Variants in SLCO5A1 observed in about 807,000 individuals in gnomAD.
SLCO5A1 encodes the protein organic anion transporter polypeptide-related protein 4.
A neutral mutation model predicts 65.1 loss-of-function variants in SLCO5A1; 39 were observed. The ratio of observed to expected loss-of-function variants is 0.60; its 90% confidence interval spans 0.46 to 0.78. The LOEUF is 0.78. SLCO5A1 is among the 30% of genes least tolerant of loss of function. SLCO5A1 has a pLI of 0.00. For missense variants in SLCO5A1, 1,029 were observed against 1,069.4 expected (o/e 0.96, Z 0.53); for synonymous variants, 438 against 415.7 (o/e 1.05, Z -0.65).
intron 4 of SLCO5A1, among the ~76,000 whole-genome samples, chr8:69,748,890 G>A (rs1381696943): frequency 6.6e-6 from 1 of 152,176 alleles, no homozygotes; most frequent in African/African-American, 2.4e-5. Context: ...TGATGCTGTT[G>A]TAGGCTGGGT....
intron 2 of SLCO5A1, among the ~76,000 whole-genome samples, chr8:69,771,427 T>G (rs1179585761): frequency 6.6e-6 from 1 of 152,256 alleles, no homozygotes; most frequent in Non-Finnish European, 1.5e-5. Flanking sequence ...ACTTTTTTAG[T>G]GCTGTTTGTA....
chr8:69,723,580 T>C (rs897310894), intron 5 of SLCO5A1, among the ~76,000 whole-genome samples: 2 of 152,028 alleles, frequency 1.3e-5, no homozygotes, highest in Non-Finnish European at 2.9e-5. Flanking sequence ...AAATCAAAAT[T>C]CACTTATCCT....
At chr8:69,692,641 G>C (rs1814319149) in intron 6 of SLCO5A1, among the ~76,000 whole-genome samples, 1 of 150,410 alleles carries the variant, frequency 6.6e-6, no homozygotes, top group African/African-American at 2.5e-5. Flanking sequence ...TTCTTTTTTT[G>C]CCGTTTTAAA....
rs942433729 is a variant in SLCO5A1, at chr8:69,672,511, C to T, written c.*358G>A. ...TTGGAAATGCCAAGTCCTGGGCAAG[C>T]TCACCTTTGTTTGGAGTGTTAGTTA... On this transcript the variant is annotated 3_prime_UTR_variant, in exon 10 of 10. Transcript: ENST00000260126. The T allele has an allele frequency of 1.4e-5, 3 of 217,020 alleles. No homozygotes were observed. The highest frequency in any genetic ancestry group is 2.3e-5 in the African/African-American group (1 of 43,982). The allele number at this position is 217,020 out of a possible 1,614,324, so 13.4% of individuals were successfully genotyped here.
At chr8:69,692,018 G>A (rs1814282404) in intron 6 of SLCO5A1, among the ~76,000 whole-genome samples, 1 of 152,196 alleles carries the variant, frequency 6.6e-6, no homozygotes, top group Admixed American at 6.5e-5. Flanking sequence ...GGAGGCCGAG[G>A]TGGGCAGATC....
chr8:69,680,418 G>A (rs1470528709), intron 7 of SLCO5A1, among the ~76,000 whole-genome samples: 1 of 152,154 alleles, frequency 6.6e-6, no homozygotes, highest in African/African-American at 2.4e-5. Context: ...AATTCACTTA[G>A]GATAATGGCC....
chr8:69,676,535 T>A, intron 9 of SLCO5A1, 74 bp downstream of exon 9: 2 of 1,321,390 alleles, frequency 1.5e-6, no homozygotes, highest in African/African-American at 1.5e-5. Flanking sequence ...TGACTTGCCA[T>A]TTTTAAAGGA....
chr8:69,724,583 G>A (rs16936372), intron 5 of SLCO5A1, among the ~76,000 whole-genome samples: 4,619 of 152,254 alleles, frequency 0.03, 244 homozygotes, highest in African/African-American at 0.1. Context: ...GAGCCTGGCA[G>A]CAAAGCTAAT....
chr8:69,804,383 G>A (rs1007685148), intron 2 of SLCO5A1, among the ~76,000 whole-genome samples: 10 of 151,862 alleles, frequency 6.6e-5, no homozygotes, highest in East Asian at 1.9e-4. Flanking sequence ...GCACAATCTC[G>A]GCTCACTGCA....
At chr8:69,716,613 G>C (rs1358161451) in intron 5 of SLCO5A1, among the ~76,000 whole-genome samples, 1 of 152,110 alleles carries the variant, frequency 6.6e-6, no homozygotes, top group African/African-American at 2.4e-5. Context: ...TTGGACATTG[G>C]TACATCTTTT....
intron 2 of SLCO5A1, among the ~76,000 whole-genome samples, chr8:69,825,385 A>G (rs540666967): frequency 9.0e-4 from 137 of 152,258 alleles, no homozygotes; most frequent in Middle Eastern, 3.4e-3. Context: ...AAACCCCATC[A>G]TCTCAGCCCA....
Position 69,831,886 on chromosome 8 carries a change from T to C in SLCO5A1, c.788A>G (p.Tyr263Cys), listed in dbSNP as rs1362874090. Residue 263 changes from tyrosine (Y) to cysteine (C), a missense_variant, in exon 2 of 10, where the codon TAC becomes TGC. Transcript: ENST00000260126. Reference sequence around the variant, plus strand: ...CTGCGCGCAAATGAATAAAGCCACGTAGACCCAGTGATTATTTCCTCCCGA... The same window carrying C: ...CTGCGCGCAAATGAATAAAGCCACGCAGACCCAGTGATTATTTCCTCCCGA... ...KDSGGNNHWV[Y>C]VALFICAQIL... is the part of the protein sequence containing the mutation. The C allele has an allele frequency of 8.1e-6, 13 of 1,611,872 alleles. No homozygotes were observed. Among genetic ancestry groups the C allele is most frequent in the South Asian group, 7.7e-5 (7 of 90,550 alleles).
chr8:69,801,521 G>A (rs922509088), intron 2 of SLCO5A1, among the ~76,000 whole-genome samples: 1 of 152,128 alleles, frequency 6.6e-6, no homozygotes, highest in Non-Finnish European at 1.5e-5. Context: ...TTACAGCAAA[G>A]TACATTACTA....
intron 5 of SLCO5A1, among the ~76,000 whole-genome samples, chr8:69,715,286 C>T (rs1815461292): frequency 6.6e-6 from 1 of 152,090 alleles, no homozygotes; most frequent in South Asian, 2.1e-4. Context: ...ATAAGAGCAC[C>T]TTATTAACTT....
intron 2 of SLCO5A1, among the ~76,000 whole-genome samples, chr8:69,801,389 T>G (rs749468356): frequency 1.3e-5 from 2 of 152,244 alleles, no homozygotes; most frequent in Non-Finnish European, 2.9e-5. Flanking sequence ...TCCTAATTAT[T>G]TCCTCAACAA....
In SLCO5A1 at chr8:69,672,756, G is replaced by A; in HGVS notation, c.*113C>T. ...TGTATACTGAGTTTTGTTGGTTTGA[G>A]GATTGTGTCTGTAGAGGTTAAAAAA... On this transcript the variant is annotated 3_prime_UTR_variant, in exon 10 of 10. Transcript: ENST00000260126. 8.5e-7 allele frequency: 1 copy of A among 1,179,012 alleles called. No individual in the cohort carries two copies. Among genetic ancestry groups the A allele is most frequent in the Non-Finnish European group, 1.2e-6 (1 of 862,710 alleles). 73.0% of individuals were successfully genotyped at this position (1,179,012 alleles called of 1,614,324 possible).
chr8:69,740,611 G>A (rs898015983), intron 4 of SLCO5A1, among the ~76,000 whole-genome samples: 2 of 152,162 alleles, frequency 1.3e-5, no homozygotes, highest in Non-Finnish European at 2.9e-5. Context: ...CATCCACCTA[G>A]CAACCAATTC....
chr8:69,829,141 C>T (rs1484755341), intron 2 of SLCO5A1, among the ~76,000 whole-genome samples: 1 of 152,200 alleles, frequency 6.6e-6, no homozygotes, highest in African/African-American at 2.4e-5. Flanking sequence ...AATGATTAAA[C>T]TTAACGTCAC....
At chr8:69,730,059 T>G (rs1430946311) in intron 5 of SLCO5A1, among the ~76,000 whole-genome samples, 1 of 152,224 alleles carries the variant, frequency 6.6e-6, no homozygotes, top group African/African-American at 2.4e-5. Flanking sequence ...CTTTAAGATC[T>G]AATTAGCTCA....
Sources: allele counts gnomAD v4.1 joint callset (sites outside exome capture counted in the v4.1 genomes callset), GRCh38; gene constraint gnomAD v4.1.1; transcripts MANE v1.5; gene names NCBI Gene and HGNC (gene_info 2026-07-23, HGNC 2026-07-21).